The following SGCZ variants were observed in gnomAD, a reference collection of about 807,000 sequenced individuals.
The protein encoded by SGCZ is sarcoglycan zeta.
Under a neutral mutation model 41.3 loss-of-function variants are expected in SGCZ, and 40 were observed. The ratio of observed to expected loss-of-function variants is 0.97; its 90% CI spans 0.75 to 1.26. The LOEUF is 1.26. Among genes scored for constraint, SGCZ ranks in the 50% most tolerant of loss-of-function variants. The pLI, the probability that SGCZ is intolerant of heterozygous loss-of-function variation, is 0.00. For synonymous variants in SGCZ, 206 were observed against 137.5 expected (o/e 1.50, Z -3.49); for missense variants, 552 against 369.8 (o/e 1.49, Z -4.04).
At chr8:14,756,253 T>C (rs958962909) in intron 1 of SGCZ, among the ~76,000 whole-genome samples, 16 of 151,202 alleles carry the variant, frequency 1.1e-4, no homozygotes, top group Admixed American at 9.3e-4. Context: ...TGGAACTATA[T>C]TGGCTCACCA....
chr8:14,655,772 C>G (rs1172433291), intron 1 of SGCZ, among the ~76,000 whole-genome samples: 2 of 152,092 alleles, frequency 1.3e-5, no homozygotes, highest in Non-Finnish European at 2.9e-5. Flanking sequence ...CATCCAATCC[C>G]TTCCTATCCT....
At chr8:15,127,150 T>C (rs1387238339) in intron 1 of SGCZ, among the ~76,000 whole-genome samples, 3 of 152,106 alleles carry the variant, frequency 2.0e-5, no homozygotes, top group African/African-American at 7.2e-5. Context: ...TTAAGAACTA[T>C]AGGGTAGTCA....
chr8:14,362,268 T>C (rs540988721), intron 2 of SGCZ, among the ~76,000 whole-genome samples: 2 of 152,320 alleles, frequency 1.3e-5, no homozygotes, highest in Admixed American at 6.5e-5. Flanking sequence ...TGTTCAGATA[T>C]GCCCTGCCCC....
intron 1 of SGCZ, among the ~76,000 whole-genome samples, chr8:14,769,080 T>A (rs1261862864): frequency 4.6e-5 from 7 of 150,730 alleles, no homozygotes; most frequent in African/African-American, 1.7e-4. Flanking sequence ...AAAAAGGCAA[T>A]AAGAAAATAA....
At chr8:15,059,505 C>T (rs1804838605) in intron 1 of SGCZ, among the ~76,000 whole-genome samples, 1 of 152,112 alleles carries the variant, frequency 6.6e-6, no homozygotes, top group African/African-American at 2.4e-5. Flanking sequence ...TTAAAAATTG[C>T]TTTAGAATTC....
At chr8:15,033,494 T>A (rs916495047) in intron 1 of SGCZ, among the ~76,000 whole-genome samples, 1 of 151,902 alleles carries the variant, frequency 6.6e-6, no homozygotes, top group African/African-American at 2.4e-5. Flanking sequence ...ATCACCTTAG[T>A]ACCTGTGTGA....
intron 2 of SGCZ, among the ~76,000 whole-genome samples, chr8:14,519,583 T>C (rs1802727898): frequency 6.6e-6 from 1 of 152,120 alleles, no homozygotes; most frequent in Admixed American, 6.6e-5. Flanking sequence ...TAGAAAATGT[T>C]AGTGATGGGT....
intron 2 of SGCZ, among the ~76,000 whole-genome samples, chr8:14,523,674 G>T (rs1802855984): frequency 6.6e-6 from 1 of 151,926 alleles, no homozygotes; most frequent in African/African-American, 2.4e-5. Context: ...CCACATTTTA[G>T]ATTTGTTCAA....
chr8:14,269,263 T>C (rs183909079), intron 3 of SGCZ, among the ~76,000 whole-genome samples: 53 of 152,266 alleles, frequency 3.5e-4, no homozygotes, highest in African/African-American at 1.0e-3. Context: ...TTTGTAACAA[T>C]ATGTTAATTC....
In SGCZ at chr8:14,276,804, T is replaced by A. The variant is rs748383347; in HGVS notation, c.337-39125A>T. 2.6e-5 allele frequency among the ~76,000 whole-genome samples: 4 copies of A among 152,310 alleles called. No individual in the cohort carries two copies. The East Asian group carries it at 7.7e-4, about 29-fold the overall frequency. On this transcript the variant is annotated intron_variant, in intron 3 of 7. Transcript: ENST00000382080. ...CTGGAGGCAGGAAACAGAAGGCCAATTCCCACTTCAGCTATTACAGGAAAT... is the reference window on the plus strand; with the variant it reads ...CTGGAGGCAGGAAACAGAAGGCCAAATCCCACTTCAGCTATTACAGGAAAT...
intron 7 of SGCZ, among the ~76,000 whole-genome samples, chr8:14,091,724 T>A (rs1028958832): frequency 6.6e-6 from 1 of 152,220 alleles, no homozygotes; most frequent in African/African-American, 2.4e-5. Context: ...AGGTTCTGGA[T>A]ATTAACCGTT....
At chr8:15,170,686 T>A (rs1799801426) in intron 1 of SGCZ, among the ~76,000 whole-genome samples, 1 of 152,212 alleles carries the variant, frequency 6.6e-6, no homozygotes, top group African/African-American at 2.4e-5. Flanking sequence ...TAGAAAAGTG[T>A]TTTATGCAGA....
chr8:14,676,346 A>G (rs914565362), intron 1 of SGCZ, among the ~76,000 whole-genome samples: 8 of 149,414 alleles, frequency 5.4e-5, no homozygotes, highest in East Asian at 4.1e-4. Context: ...AATGAAATAG[A>G]TGTGTGTGTG....
intron 2 of SGCZ, among the ~76,000 whole-genome samples, chr8:14,385,095 T>G (rs1262362295): frequency 6.6e-6 from 1 of 152,106 alleles, no homozygotes; most frequent in Non-Finnish European, 1.5e-5. Context: ...TTAACAACTG[T>G]GTGTAGGAAT....
rs956090958 is a variant in SGCZ, at chr8:14,904,015, C to A, written c.39+333570G>T. ...CCATTCAATAATGTTAGATGAGCTA[C>A]AAAAAAATTTTAAAAGTCAACTAAA... On this transcript the variant is annotated intron_variant, in intron 1 of 7. Coordinates refer to ENST00000382080, the MANE Select transcript of SGCZ (RefSeq NM_139167.4). 6.8e-4 allele frequency among the ~76,000 whole-genome samples: 103 copies of A among 151,966 alleles called. 1 individual carries two copies. Among genetic ancestry groups the A allele is most frequent in the African/African-American group, 2.3e-3 (96 of 41,496 alleles).
intron 1 of SGCZ, among the ~76,000 whole-genome samples, chr8:14,908,559 G>A (rs1306237790): frequency 3.3e-5 from 5 of 152,058 alleles, no homozygotes; most frequent in Non-Finnish European, 7.4e-5. Flanking sequence ...AGACCAGCCT[G>A]ACCAACATGG....
chr8:14,594,978 G>C (rs1317875425), intron 1 of SGCZ, among the ~76,000 whole-genome samples: 1 of 151,878 alleles, frequency 6.6e-6, no homozygotes, highest in South Asian at 2.1e-4. Context: ...ATCCTAATTA[G>C]TAAAGCCTTT....
chr8:15,176,306 A>T (rs529873444), intron 1 of SGCZ, among the ~76,000 whole-genome samples: 1 of 152,016 alleles, frequency 6.6e-6, no homozygotes. Context: ...ATAGGATTTT[A>T]TTATATTTCT....
chr8:14,836,431 C>G (rs1187817692), intron 1 of SGCZ, among the ~76,000 whole-genome samples: 1 of 152,132 alleles, frequency 6.6e-6, no homozygotes, highest in Non-Finnish European at 1.5e-5. Context: ...TTTCCCTGTC[C>G]CATACAATAA....
Sources: allele counts gnomAD v4.1 joint callset (sites outside exome capture counted in the v4.1 genomes callset), GRCh38; gene constraint gnomAD v4.1.1; transcripts MANE v1.5; gene names NCBI Gene and HGNC (gene_info 2026-07-23, HGNC 2026-07-21).